AKNA: variants seen among roughly 807,000 people sequenced by gnomAD.
AKNA encodes microtubule organization protein AKNA.
A neutral mutation model predicts 138.8 loss-of-function variants in AKNA; 67 were observed. The observed-to-expected ratio is 0.48, with a 90% CI of 0.40 to 0.59. The LOEUF is 0.59. AKNA is among the 20% of genes least tolerant of loss of function. AKNA has a pLI of 0.00. For synonymous variants in AKNA, 737 were observed against 754.4 expected (o/e 0.98, Z 0.38); for missense variants, 1,813 against 1,880.4 (o/e 0.96, Z 0.66).
chr9:114,376,815 A>T lies in AKNA; in HGVS notation c.992T>A (p.Leu331Gln). Reference sequence around the variant, plus strand: ...AGCCAGAGTGGCTCCCTGTCTGGGCAGCGGCCTGCCCTGCCGCGTTGGCCT... The same window carrying T: ...AGCCAGAGTGGCTCCCTGTCTGGGCTGCGGCCTGCCCTGCCGCGTTGGCCT... ...QPRPTRQGRP[L>Q]PRQGATLAGR... Residue 331 changes from leucine to glutamine, a missense_variant, in exon 3 of 22, where the codon CTG (leucine) becomes CAG (glutamine). Coordinates refer to ENST00000374088, the MANE Select transcript of AKNA (RefSeq NM_001317950.2). 4 of 1,612,172 alleles carry T rather than the reference A, an allele frequency of 2.5e-6. No homozygotes were observed. Among genetic ancestry groups the T allele is most frequent in the Non-Finnish European group, 3.4e-6 (4 of 1,179,010 alleles).
chr9:114,375,858 C>CT (rs1833130232), intron 3 of AKNA: 1 of 391,060 alleles, frequency 2.6e-6, no homozygotes, highest in African/African-American at 2.1e-5. Flanking sequence ...AATCACTGGT[C>CT]TTTTTGAGCA....
chr9:114,348,873 G>A (rs1235044681), intron 15 of AKNA: 1 of 456,304 alleles, frequency 2.2e-6, no homozygotes, highest in South Asian at 1.5e-5. Flanking sequence ...AATTCCCACT[G>A]GGGCCGTTCT....
Position 114,359,814 on chromosome 9 carries a change from G to A in AKNA, c.2292-20C>T. On this transcript the variant is annotated intron_variant, in intron 10 of 21. Coordinates refer to ENST00000374088, the MANE Select transcript of AKNA (RefSeq NM_001317950.2). ...AGGTACCTGCAGAAGAACACACAGAGGGGCATGACCTCTGCCCAGTGGGGG... is the reference window on the plus strand; with the variant it reads ...AGGTACCTGCAGAAGAACACACAGAAGGGCATGACCTCTGCCCAGTGGGGG... 2 of 1,592,154 alleles carry A rather than the reference G, an allele frequency of 1.3e-6. No individual in the cohort carries two copies. The highest frequency in any genetic ancestry group is 1.6e-5 in the African/African-American group (1 of 61,368).
At chr9:114,367,459 A>G (rs1274202435) in intron 6 of AKNA, 84 bp downstream of exon 6, 2 of 1,486,802 alleles carry the variant, frequency 1.3e-6, no homozygotes, top group African/African-American at 1.4e-5. Context: ...AGACTCCCAG[A>G]GTGCCTCTCA....
chr9:114,374,696 C>T (rs1003352251), intron 3 of AKNA, among the ~76,000 whole-genome samples: 18 of 152,114 alleles, frequency 1.2e-4, no homozygotes, highest in Admixed American at 6.5e-4. Flanking sequence ...TAAACAAGTC[C>T]AAAGAACTTT....
chr9:114,381,985 T>A (rs1468670539), intron 1 of AKNA, among the ~76,000 whole-genome samples: 1 of 152,154 alleles, frequency 6.6e-6, no homozygotes, highest in Admixed American at 6.5e-5. Flanking sequence ...AGACACAGGA[T>A]GAGGAGCCCA....
chr9:114,360,105 T>C (rs371379075), intron 9 of AKNA, 43 bp from the exon 10 acceptor site: 1 of 1,613,038 alleles, frequency 6.2e-7, no homozygotes, highest in African/African-American at 1.3e-5. Flanking sequence ...AGCAGATAGT[T>C]AAACACCACT....
At chr9:114,350,001 A>T (rs557823503) in intron 15 of AKNA, among the ~76,000 whole-genome samples, 1 of 152,324 alleles carries the variant, frequency 6.6e-6, no homozygotes, top group African/African-American at 2.4e-5. Context: ...GTCCTCTGCC[A>T]TCATGGTATT....
Position 114,368,585 on chromosome 9 carries a change from A to T in AKNA, c.1427T>A (p.Phe476Tyr). The T allele has an allele frequency of 7.2e-7, 1 of 1,388,766 alleles. No individual in the cohort carries two copies. 86.0% of individuals were successfully genotyped at this position (1,388,766 alleles called of 1,614,324 possible). ...QLRLGAKVNL[F>Y]SDPPQPNHSI... Reference sequence around the variant, plus strand: ...GTGGTTGGGCTGGGGTGGGTCAGAGAACAGGTTCACCTGTGGAAGCAGGGA... The same window carrying T: ...GTGGTTGGGCTGGGGTGGGTCAGAGTACAGGTTCACCTGTGGAAGCAGGGA... The change falls in exon 5 of 22, where the codon TTC becomes TAC. Residue 476 changes from phenylalanine to tyrosine, a missense_variant. Physicochemically the swap from Phe to Tyr is conservative, Grantham distance 22. Coordinates refer to ENST00000374088, the MANE Select transcript of AKNA (RefSeq NM_001317950.2).
At chr9:114,387,790 G>A (rs1324632) in intron 1 of AKNA, 70 bp downstream of exon 1, 91,915 of 358,454 alleles carry the variant, frequency 0.26, 12,776 homozygotes, top group East Asian at 0.43. Context: ...GGACTGTCCC[G>A]GAGAGTCTGT....
rs140345797 is a variant in AKNA, at chr9:114,341,707, G to T, written c.3893C>A (p.Thr1298Lys). ...GGGAGTTGAAGATGCTTTTCTCCTCGTGGTGGCCTTCTCTGCCCCTATCAG... is the reference window on the plus strand; with the variant it reads ...GGGAGTTGAAGATGCTTTTCTCCTCTTGGTGGCCTTCTCTGCCCCTATCAG... Reference protein sequence around the residue: ...SATSGAEKATTRRKASSTPSP... With the variant: ...SATSGAEKATKRRKASSTPSP... The change falls in exon 21 of 22, where the codon ACG becomes AAG. Residue 1298 changes from threonine (T) to lysine (K), a missense_variant. By Grantham distance (78) the Thr-to-Lys change is moderately conservative. Transcript: ENST00000374088. 6 of 1,580,838 alleles carry T rather than the reference G, an allele frequency of 3.8e-6. No homozygotes were observed. The highest frequency in any genetic ancestry group is 1.9e-5 in the Admixed American group (1 of 53,522).
intron 18 of AKNA, 27 bp downstream of exon 18, chr9:114,345,836 C>A (rs967351108): frequency 1.2e-6 from 2 of 1,611,008 alleles, no homozygotes; most frequent in Non-Finnish European, 1.7e-6. Context: ...GGAGCTGCAC[C>A]CATCCCGGCC....
upstream of AKNA, among the ~76,000 whole-genome samples, chr9:114,397,186 C>T (rs1259666985): frequency 6.6e-6 from 1 of 152,210 alleles, no homozygotes; most frequent in African/African-American, 2.4e-5. Flanking sequence ...ACGACTGCCC[C>T]AGGAATAAAC....
At chr9:114,383,360 T>G (rs988816120) in intron 1 of AKNA, among the ~76,000 whole-genome samples, 3 of 152,148 alleles carry the variant, frequency 2.0e-5, no homozygotes, top group African/African-American at 7.2e-5. Flanking sequence ...GCTTCCTCTA[T>G]GCCAGCACTG....
chr9:114,366,918 TACTC>T, intron 6 of AKNA, among the ~76,000 whole-genome samples: 1 of 152,292 alleles, frequency 6.6e-6, no homozygotes, highest in Middle Eastern at 3.4e-3. Flanking sequence ...ACATTTTATT[TACTC>T]ACTCCACGTA....
At chr9:114,347,977 T>C in intron 15 of AKNA, 77 bp from the exon 16 acceptor site, 1 of 1,486,150 alleles carries the variant, frequency 6.7e-7, no homozygotes, top group Non-Finnish European at 9.0e-7. Context: ...TATGCCAGGA[T>C]GCGGCAGCCT....
At chr9:114,337,409 C>T (rs1187366351) in intron 21 of AKNA, 103 bp from the exon 22 acceptor site, 2 of 1,228,708 alleles carry the variant, frequency 1.6e-6, no homozygotes, top group African/African-American at 3.1e-5. Context: ...CCAGCTGGGC[C>T]AGTGGCTCCT....
At chr9:114,330,785 A>C (rs745943747), downstream of AKNA, 3 of 1,613,520 alleles carry the variant, frequency 1.9e-6, no homozygotes, top group Non-Finnish European at 2.5e-6. Context: ...CTTCTGGTTG[A>C]CTTTAGCCAG....
chr9:114,331,647 G>A (rs745636133), downstream of AKNA: 16 of 1,613,794 alleles, frequency 9.9e-6, no homozygotes, highest in South Asian at 1.1e-5. Flanking sequence ...CCTGGACGAT[G>A]AGAAGAACTG....
Sources: allele counts gnomAD v4.1 joint callset (sites outside exome capture counted in the v4.1 genomes callset), GRCh38; gene constraint gnomAD v4.1.1; transcripts MANE v1.5; gene names NCBI Gene and HGNC (gene_info 2026-07-23, HGNC 2026-07-21).